The following GFRAL variants were observed in gnomAD, a reference collection of about 807,000 sequenced individuals.
The protein encoded by GFRAL is GDNF family receptor alpha-like.
Under a neutral mutation model 45.4 loss-of-function variants are expected in GFRAL, and 36 were observed. The ratio of observed to expected loss-of-function variants is 0.79; its 90% CI spans 0.61 to 1.05. The LOEUF is 1.05. Among genes scored for constraint, GFRAL ranks in the 50% least tolerant of loss-of-function variants. GFRAL has a pLI of 0.00. For missense variants in GFRAL, 507 were observed against 467.5 expected (o/e 1.08, Z -0.78); for synonymous variants, 166 against 154.1 (o/e 1.08, Z -0.57).
chr6:55,392,628 C>T (rs1323981378), intron 6 of GFRAL, among the ~76,000 whole-genome samples: 1 of 152,066 alleles, frequency 6.6e-6, no homozygotes, highest in African/African-American at 2.4e-5. Flanking sequence ...ATAAGAATAG[C>T]ACTTGAAAGG....
At chr6:55,340,116 T>C (rs188970937) in intron 3 of GFRAL, among the ~76,000 whole-genome samples, 167 of 152,328 alleles carry the variant, frequency 1.1e-3, no homozygotes, top group African/African-American at 3.9e-3. Context: ...TGATTTATTA[T>C]AATTCATGAC....
chr6:55,341,753 G>A (rs1342770520), intron 3 of GFRAL, among the ~76,000 whole-genome samples: 1 of 152,122 alleles, frequency 6.6e-6, no homozygotes, highest in African/African-American at 2.4e-5. Flanking sequence ...CGAACCCATT[G>A]AAAAGAAGCT....
At chr6:55,367,166 T>G (rs1167098021) in intron 6 of GFRAL, among the ~76,000 whole-genome samples, 1 of 115,318 alleles carries the variant, frequency 8.7e-6, no homozygotes, top group East Asian at 2.0e-4. Flanking sequence ...TAGCTCTTCT[T>G]GTTGAATTGA....
At chr6:55,337,194 C>T (rs941877815) in intron 3 of GFRAL, among the ~76,000 whole-genome samples, 2 of 151,886 alleles carry the variant, frequency 1.3e-5, no homozygotes, top group African/African-American at 4.8e-5. Context: ...CACATTTTTT[C>T]CTTTAGTTTT....
At chr6:55,400,686 G>A (rs534066377) in intron 8 of GFRAL, among the ~76,000 whole-genome samples, 1 of 152,216 alleles carries the variant, frequency 6.6e-6, no homozygotes, top group East Asian at 1.9e-4. Context: ...ACATTTGTAT[G>A]AGAAGACATT....
chr6:55,363,349 C>T (rs1353495630), intron 6 of GFRAL, among the ~76,000 whole-genome samples: 1 of 151,806 alleles, frequency 6.6e-6, no homozygotes, highest in Non-Finnish European at 1.5e-5. Context: ...TCAAACTATA[C>T]TTATTGCTTT....
intron 3 of GFRAL, among the ~76,000 whole-genome samples, chr6:55,347,786 T>C (rs1174762088): frequency 1.3e-5 from 2 of 152,092 alleles, no homozygotes; most frequent in Non-Finnish European, 2.9e-5. Flanking sequence ...TTTTTCTTCT[T>C]GCTTCCATGG....
chr6:55,332,498 C>A (rs1269387543), intron 2 of GFRAL, among the ~76,000 whole-genome samples: 3 of 151,940 alleles, frequency 2.0e-5, no homozygotes, highest in East Asian at 1.9e-4. Flanking sequence ...CGGCTCACTG[C>A]AACCTCCGCC....
At chr6:55,389,246 A>T (rs911733582) in intron 6 of GFRAL, among the ~76,000 whole-genome samples, 1 of 151,286 alleles carries the variant, frequency 6.6e-6, no homozygotes, top group South Asian at 2.1e-4. Flanking sequence ...CTCTCCTTTC[A>T]CCCTCCACTC....
At chr6:55,358,785 G>A (rs934106505) in intron 5 of GFRAL, 103 bp from the exon 6 acceptor site, 20 of 1,052,428 alleles carry the variant, frequency 1.9e-5, no homozygotes, top group Middle Eastern at 2.5e-4. Context: ...CTGGCATCTC[G>A]AAGGCATTGT....
At chr6:55,362,559 T>C (rs1219948534) in intron 6 of GFRAL, among the ~76,000 whole-genome samples, 3 of 151,914 alleles carry the variant, frequency 2.0e-5, no homozygotes, top group Non-Finnish European at 2.9e-5. Flanking sequence ...CAGAACAAAT[T>C]TGTGGCCCTT....
At chr6:55,365,023 C>G (rs2127358950) in intron 6 of GFRAL, among the ~76,000 whole-genome samples, 1 of 149,318 alleles carries the variant, frequency 6.7e-6, no homozygotes, top group East Asian at 2.0e-4. Flanking sequence ...TGTAAATTAC[C>G]TTGGGCAGTA....
intron 3 of GFRAL, among the ~76,000 whole-genome samples, chr6:55,340,267 T>C (rs1458942532): frequency 6.6e-6 from 1 of 152,204 alleles, no homozygotes; most frequent in Non-Finnish European, 1.5e-5. Flanking sequence ...CTCTCCATGC[T>C]TTGCATTCCC....
intron 6 of GFRAL, among the ~76,000 whole-genome samples, chr6:55,365,874 T>A (rs939593406): frequency 1.4e-5 from 2 of 147,134 alleles, no homozygotes; most frequent in East Asian, 2.0e-4. Context: ...GCATCAATGT[T>A]CATCAAGGAT....
At chr6:55,375,094 T>G (rs528544057) in intron 6 of GFRAL, among the ~76,000 whole-genome samples, 9 of 152,310 alleles carry the variant, frequency 5.9e-5, no homozygotes, top group African/African-American at 2.2e-4. Context: ...TAGGACTGTC[T>G]TGGCTATTTC....
chr6:55,370,956 C>T (rs962075177), intron 6 of GFRAL, among the ~76,000 whole-genome samples: 1 of 152,204 alleles, frequency 6.6e-6, no homozygotes, highest in Non-Finnish European at 1.5e-5. Flanking sequence ...AAGTTCTCAG[C>T]TGCCTGCTCC....
chr6:55,374,598 T>A (rs563261750), intron 6 of GFRAL, among the ~76,000 whole-genome samples: 2 of 152,212 alleles, frequency 1.3e-5, no homozygotes, highest in Non-Finnish European at 2.9e-5. Flanking sequence ...ACTCTGATGA[T>A]AGTTTATTTT....
At chr6:55,354,414 T>C (rs1442772112) in intron 5 of GFRAL, among the ~76,000 whole-genome samples, 1 of 152,038 alleles carries the variant, frequency 6.6e-6, no homozygotes, top group African/African-American at 2.4e-5. Context: ...CTTTTGAATA[T>C]TGTACACTTA....
chr6:55,369,023 G>T (rs1375226633), intron 6 of GFRAL, among the ~76,000 whole-genome samples: 2 of 151,830 alleles, frequency 1.3e-5, no homozygotes, highest in Non-Finnish European at 2.9e-5. Context: ...GGGCAATGGC[G>T]GGCGCCCCTA....
Sources: gnomAD v4.1 joint callset for allele counts (sites outside exome capture counted in the v4.1 genomes callset) on GRCh38, gnomAD v4.1.1 for gene constraint, MANE v1.5 for transcripts, NCBI Gene and HGNC (gene_info 2026-07-23, HGNC 2026-07-21) for gene names.